Variants in NFIB observed in about 807,000 individuals in gnomAD.
NFIB encodes the protein nuclear factor I B.
Under a neutral mutation model 61.5 loss-of-function variants are expected in NFIB, and 11 were observed. That is an observed-to-expected ratio of 0.18 (90% confidence interval 0.11 to 0.30). The LOEUF is 0.30. Among genes scored for constraint, NFIB ranks in the 10% least tolerant of loss-of-function variants. The pLI is 1.00. For missense variants in NFIB, 471 were observed against 608.9 expected (o/e 0.77, Z 2.38); for synonymous variants, 260 against 216.5 (o/e 1.20, Z -1.76).
intron 2 of NFIB, chr9:14,204,475 G>C: frequency 9.7e-7 from 1 of 1,033,372 alleles, no homozygotes; most frequent in Admixed American, 1.7e-5. Context: ...GACTGAAAAT[G>C]CCTCCTGCGA....
intron 2 of NFIB, among the ~76,000 whole-genome samples, chr9:14,241,480 C>T (rs750106246): frequency 8.6e-5 from 13 of 151,402 alleles, no homozygotes; most frequent in Non-Finnish European, 1.5e-4. Flanking sequence ...TTTCTTTAAT[C>T]GACTTTCTCC....
chr9:14,335,504 A>G (rs1342434800), intron 1 of NFIB, among the ~76,000 whole-genome samples: 1 of 152,206 alleles, frequency 6.6e-6, no homozygotes, highest in Admixed American at 6.5e-5. Context: ...TAAAATATGT[A>G]TTCAAAACTT....
Position 14,312,830 on chromosome 9 carries a change from G to A in NFIB, c.30+652C>T, listed in dbSNP as rs561930835. 2.6e-5 allele frequency among the ~76,000 whole-genome samples: 4 copies of A among 152,246 alleles called. No individual in the cohort carries two copies. In the South Asian group the frequency reaches 6.2e-4, roughly 24 times the overall value. On this transcript the variant is annotated intron_variant, in intron 1 of 10. Coordinates refer to ENST00000380953, the MANE Select transcript of NFIB (RefSeq NM_001190737.2). ...CTAAAAACTCCTTAACAATCACCAA[G>A]ACCAACTAACTCGTGTCAACGTAAA...
intron 2 of NFIB, among the ~76,000 whole-genome samples, chr9:14,272,173 A>G (rs1189255939): frequency 6.6e-6 from 1 of 152,148 alleles, no homozygotes; most frequent in Non-Finnish European, 1.5e-5. Context: ...GAACAAACTT[A>G]AAATAGCTAC....
At chr9:14,484,277 T>C in the NFIB span, among the ~76,000 whole-genome samples, 30 of 152,240 alleles carry the variant, frequency 2.0e-4, no homozygotes, top group Non-Finnish European at 3.5e-4. Context: ...TTCTAGCTTC[T>C]TGGCAACTGG....
At chr9:14,525,564 T>C in the NFIB span, among the ~76,000 whole-genome samples, 1 of 152,138 alleles carries the variant, frequency 6.6e-6, no homozygotes, top group Non-Finnish European at 1.5e-5. Flanking sequence ...GAGGAGGCCC[T>C]CCGTAGTCAT....
intron 1 of NFIB, among the ~76,000 whole-genome samples, chr9:14,339,474 CT>C (rs1315997183): frequency 6.6e-6 from 1 of 152,162 alleles, no homozygotes; most frequent in Non-Finnish European, 1.5e-5. Flanking sequence ...TTCATTCTGC[CT>C]TTTCCAGAAC....
upstream of NFIB, among the ~76,000 whole-genome samples, chr9:14,399,694 C>T (rs1204498577): frequency 6.6e-6 from 1 of 152,092 alleles, no homozygotes; most frequent in Non-Finnish European, 1.5e-5. Flanking sequence ...AAAAAGTCAG[C>T]ATTAGGCATC....
chr9:14,314,280 G>C (rs925839266), upstream of NFIB: 21 of 468,910 alleles, frequency 4.5e-5, no homozygotes, highest in South Asian at 2.7e-4. Context: ...CGTGGTCCCC[G>C]GCAGCAGCAG....
rs997431679 is a variant in NFIB at position 14,082,551 on chromosome 9, G to C, written c.*5758C>G. The C allele has an allele frequency of 4.8e-6, 1 of 206,938 alleles. No individual in the cohort carries two copies. The highest frequency in any genetic ancestry group is 2.3e-5 in the African/African-American group (1 of 43,874). 12.8% of individuals were successfully genotyped at this position (206,938 alleles called of 1,614,324 possible). A position where few individuals can be genotyped will look rare whatever the true frequency, so the allele number is the denominator to read the frequency against. On this transcript the variant is annotated 3_prime_UTR_variant, in exon 11 of 11. Transcript: ENST00000380953. Reference sequence around the variant, plus strand: ...CCCTCACATTCTACAATGTTGTAGAGATTTTTTTTCCCAAGAAAATGTCAT... The same window carrying C: ...CCCTCACATTCTACAATGTTGTAGACATTTTTTTTCCCAAGAAAATGTCAT...
At chr9:14,372,989 G>A (rs985734513) in intron 1 of NFIB, among the ~76,000 whole-genome samples, 1 of 152,086 alleles carries the variant, frequency 6.6e-6, no homozygotes, top group African/African-American at 2.4e-5. Context: ...AACGGTGGTG[G>A]GGGGTGGGGA....
chr9:14,359,455 A>G (rs1362584202), intron 1 of NFIB, among the ~76,000 whole-genome samples: 1 of 152,232 alleles, frequency 6.6e-6, no homozygotes, highest in Admixed American at 6.5e-5. Context: ...CCGGAAACCA[A>G]GGAATACCTG....
intron 3 of NFIB, among the ~76,000 whole-genome samples, chr9:14,163,038 A>T (rs2044375708): frequency 6.6e-6 from 1 of 152,040 alleles, no homozygotes; most frequent in Admixed American, 6.6e-5. Flanking sequence ...AAGCTGTCTA[A>T]CTCTTCTACA....
At position 14,314,087 on chromosome 9, in the gene NFIB, A is replaced by G. The variant is rs1216767830; in HGVS notation, c.-576T>C. On this transcript the variant is annotated 5_prime_UTR_variant, in exon 1 of 11. Coordinates refer to ENST00000380953, the MANE Select transcript of NFIB (RefSeq NM_001190737.2). The stretch of plus-strand genomic sequence containing the variant: ...GATCCCGGAGTGGTGATCGCAGGCG[A>G]AACTTTGCCGCGAGCCGACCATGTG... 2.9e-6 allele frequency: 3 copies of G among 1,049,226 alleles called. No individual in the cohort carries two copies. Among genetic ancestry groups the G allele is most frequent in the Non-Finnish European group, 2.3e-6 (2 of 869,764 alleles). 65.0% of individuals were successfully genotyped at this position (1,049,226 alleles called of 1,614,324 possible).
chr9:14,276,244 G>A (rs1588079466), intron 2 of NFIB, among the ~76,000 whole-genome samples: 1 of 152,162 alleles, frequency 6.6e-6, no homozygotes, highest in East Asian at 1.9e-4. Flanking sequence ...CCCAGATCTA[G>A]ACTATCTGTT....
intron 1 of NFIB, among the ~76,000 whole-genome samples, chr9:14,336,881 C>T (rs1157392294): frequency 6.6e-6 from 1 of 152,292 alleles, no homozygotes; most frequent in South Asian, 2.1e-4. Context: ...CATACACTCT[C>T]CGTCACAACT....
At chr9:14,350,138 G>C (rs1034265000) in intron 1 of NFIB, among the ~76,000 whole-genome samples, 2 of 152,056 alleles carry the variant, frequency 1.3e-5, no homozygotes, top group African/African-American at 2.4e-5. Context: ...GCTCAGCCTC[G>C]GTGCCTCTGT....
chr9:14,347,071 C>A (rs953223709), intron 1 of NFIB, among the ~76,000 whole-genome samples: 1 of 151,256 alleles, frequency 6.6e-6, no homozygotes, highest in Non-Finnish European at 1.5e-5. Flanking sequence ...ACCCGCCCGG[C>A]GCGAAGGGTG....
At position 14,321,925 on chromosome 9, in the gene NFIB, G is replaced by T. The variant is rs2132820895; in HGVS notation, c.109-14405C>A. 3 of 1,231,690 alleles carry T rather than the reference G, an allele frequency of 2.4e-6. No homozygotes were observed. In the East Asian group the frequency reaches 9.5e-5, roughly 39 times the overall value. 76.3% of individuals were successfully genotyped at this position (1,231,690 alleles called of 1,614,324 possible). On this transcript the variant is annotated intron_variant, in intron 1 of 8. Transcript: ENST00000380934. ...TAAAAGAAGCAAACAAAACCCATCA[G>T]TTCAAAGCCACATACCATCGCACTG...
Sources: allele counts gnomAD v4.1 joint callset (sites outside exome capture counted in the v4.1 genomes callset), GRCh38; gene constraint gnomAD v4.1.1; transcripts MANE v1.5; gene names NCBI Gene and HGNC (gene_info 2026-07-23, HGNC 2026-07-21).